Variants in GSE1 observed in about 807,000 individuals in gnomAD.
GSE1 encodes the protein Gse1 coiled-coil protein.
GSE1 carries 32 observed loss-of-function variants against 112.6 expected under a neutral mutation model. The ratio of observed to expected loss-of-function variants is 0.28; its 90% CI spans 0.21 to 0.38. GSE1 has a LOEUF of 0.38. Ranked by LOEUF, GSE1 falls within the 10% of genes least tolerant of loss-of-function variation. The pLI is 1.00. For synonymous variants in GSE1, 1,115 were observed against 735.6 expected, an observed-to-expected ratio of 1.52 and a Z score of -8.35; for missense variants, 2,348 against 1,699.2, an observed-to-expected ratio of 1.38 and a Z score of -6.71.
intron 1 of GSE1, among the ~76,000 whole-genome samples, chr16:85,198,451 C>T (rs185885486): frequency 1.6e-4 from 25 of 152,166 alleles, no homozygotes; most frequent in East Asian, 3.9e-4. Flanking sequence ...CCAGAGTCCC[C>T]GGCTGCCAGG....
At chr16:85,647,006 C>T (rs2050928706) in intron 2 of GSE1, among the ~76,000 whole-genome samples, 1 of 152,288 alleles carries the variant, frequency 6.6e-6, no homozygotes, top group Non-Finnish European at 1.5e-5. Context: ...CACTTGGTCC[C>T]CTTCTGACCT....
At chr16:85,671,461 C>CAAAAAAAAAAA (rs1193691794) in intron 15 of GSE1, among the ~76,000 whole-genome samples, 3 of 76,408 alleles carry the variant, frequency 3.9e-5, no homozygotes, top group African/African-American at 9.1e-5. Context: ...AAAAAAAGAT[C>CAAAAAAAAAAA]AAAATTTGGA....
At chr16:85,256,730 G>A (rs1265534224) in intron 1 of GSE1, among the ~76,000 whole-genome samples, 1 of 152,242 alleles carries the variant, frequency 6.6e-6, no homozygotes, top group Non-Finnish European at 1.5e-5. Flanking sequence ...GTCAGCCCTG[G>A]GGTCTCGTCC....
chr16:85,479,079 T>G (rs1284825924), intron 2 of GSE1, among the ~76,000 whole-genome samples: 2 of 144,026 alleles, frequency 1.4e-5, no homozygotes, highest in East Asian at 2.2e-4. Flanking sequence ...TGGAGTGCAG[T>G]GGCACGATCT....
At chr16:85,626,006 A>G (rs2049044441) in intron 1 of GSE1, among the ~76,000 whole-genome samples, 2 of 151,874 alleles carry the variant, frequency 1.3e-5, no homozygotes, top group African/African-American at 4.8e-5. Context: ...CCAGGTCAGG[A>G]TCCTGGCCAC....
chr16:85,335,662 C>T (rs112642237), intron 1 of GSE1, among the ~76,000 whole-genome samples: 2,550 of 152,290 alleles, frequency 0.017, 74 homozygotes, highest in African/African-American at 0.058. Flanking sequence ...GTCTCATGCC[C>T]GGCACCACCA....
intron 2 of GSE1, among the ~76,000 whole-genome samples, chr16:85,511,881 A>G (rs2051758407): frequency 6.6e-6 from 1 of 152,128 alleles, no homozygotes; most frequent in African/African-American, 2.4e-5. Flanking sequence ...CTGATGTCCA[A>G]CTTTTGGCCT....
chr16:85,648,796 G>GGGAGCCTA, intron 3 of GSE1, 45 bp downstream of exon 3: 1 of 1,201,336 alleles, frequency 8.3e-7, no homozygotes, highest in Non-Finnish European at 1.2e-6. Flanking sequence ...TAAGTGGGGA[G>GGGAGCCTA]GCTGGATTCA....
intron 2 of GSE1, among the ~76,000 whole-genome samples, chr16:85,522,722 G>A (rs565011031): frequency 1.3e-5 from 2 of 152,140 alleles, no homozygotes; most frequent in Non-Finnish European, 2.9e-5. Context: ...TGATGGTTGC[G>A]CAGAGTGTTG....
At chr16:85,467,844 C>T (rs1348057613) in intron 2 of GSE1, among the ~76,000 whole-genome samples, 1 of 152,182 alleles carries the variant, frequency 6.6e-6, no homozygotes, top group Non-Finnish European at 1.5e-5. Flanking sequence ...TTGGAGTTGA[C>T]AGTTGATTCG....
intron 1 of GSE1, among the ~76,000 whole-genome samples, chr16:85,186,582 G>A (rs147657632): frequency 0.026 from 3,916 of 151,168 alleles, 75 homozygotes; most frequent in Middle Eastern, 0.054. Flanking sequence ...CAGCCTGGGC[G>A]ACAGAGTGAG....
intron 2 of GSE1, among the ~76,000 whole-genome samples, chr16:85,381,403 G>A (rs964579728): frequency 1.8e-4 from 27 of 152,350 alleles, no homozygotes; most frequent in Middle Eastern, 3.4e-3. Context: ...GGTGAAGAAT[G>A]CTGCTGGGAA....
At chr16:85,314,786 G>A (rs998352495) in intron 1 of GSE1, among the ~76,000 whole-genome samples, 1 of 152,180 alleles carries the variant, frequency 6.6e-6, no homozygotes, top group Admixed American at 6.5e-5. Flanking sequence ...AAGGTTCCCT[G>A]GGGGCAGGCC....
At chr16:85,631,682 C>T (rs1406763917) in intron 1 of GSE1, among the ~76,000 whole-genome samples, 1 of 152,250 alleles carries the variant, frequency 6.6e-6, no homozygotes, top group Admixed American at 6.5e-5. Context: ...CTCTGAAGCC[C>T]CTCATGTCAG....
At chr16:85,455,809 C>T (rs1412060156) in intron 2 of GSE1, among the ~76,000 whole-genome samples, 1 of 152,212 alleles carries the variant, frequency 6.6e-6, no homozygotes, top group African/African-American at 2.4e-5. Flanking sequence ...GGGGTGAAAG[C>T]GTCACGCTCT....
intron 1 of GSE1, among the ~76,000 whole-genome samples, chr16:85,284,544 C>T (rs906300445): frequency 1.3e-5 from 2 of 152,192 alleles, no homozygotes; most frequent in African/African-American, 2.4e-5. Flanking sequence ...TCATGTCCAC[C>T]AATTAAGGGA....
At chr16:85,569,756 C>T (rs1322600332) in intron 1 of GSE1, among the ~76,000 whole-genome samples, 1 of 152,236 alleles carries the variant, frequency 6.6e-6, no homozygotes, top group Non-Finnish European at 1.5e-5. Context: ...GAGTTTACTA[C>T]ACTGTGGCCG....
At chr16:85,176,651 C>T (rs963844200) in intron 1 of GSE1, among the ~76,000 whole-genome samples, 4 of 152,280 alleles carry the variant, frequency 2.6e-5, no homozygotes, top group East Asian at 1.9e-4. Context: ...TGGTTAATGG[C>T]GCATGCAGCT....
chr16:85,496,992 A>G (rs2051203124), intron 2 of GSE1, among the ~76,000 whole-genome samples: 1 of 151,058 alleles, frequency 6.6e-6, no homozygotes, highest in South Asian at 2.1e-4. Context: ...TCTGCCTCCC[A>G]GGTTCAAGCG....
Sources: gnomAD v4.1 joint callset for allele counts (sites outside exome capture counted in the v4.1 genomes callset) on GRCh38, gnomAD v4.1.1 for gene constraint, MANE v1.5 for transcripts, NCBI Gene and HGNC (gene_info 2026-07-23, HGNC 2026-07-21) for gene names.